Variants in ZNF804B observed in about 807,000 individuals in gnomAD.
ZNF804B encodes zinc finger 804B.
In ZNF804B, 80 loss-of-function variants were observed where a neutral mutation model predicts 101.4. The observed-to-expected ratio is 0.79, with a 90% CI of 0.66 to 0.95. The LOEUF (loss-of-function observed/expected upper bound fraction) is 0.95. Among genes scored for constraint, ZNF804B ranks in the 40% least tolerant of loss-of-function variants. ZNF804B has a pLI of 0.00. For synonymous variants in ZNF804B, 622 were observed against 558.8 expected, an observed-to-expected ratio of 1.11 and a Z score of -1.59; for missense variants, 1,673 against 1,561.9, an observed-to-expected ratio of 1.07 and a Z score of -1.20.
At chr7:88,888,361 C>T (rs1792164904) in intron 1 of ZNF804B, among the ~76,000 whole-genome samples, 1 of 152,100 alleles carries the variant, frequency 6.6e-6, no homozygotes, top group Non-Finnish European at 1.5e-5. Flanking sequence ...CACCGCACTC[C>T]AGCCTGGGCG....
chr7:89,145,798 C>T (rs1378867216), intron 1 of ZNF804B, among the ~76,000 whole-genome samples: 3 of 151,848 alleles, frequency 2.0e-5, no homozygotes, highest in African/African-American at 4.8e-5. Flanking sequence ...TGGATCAGTG[C>T]ACTAATCCAG....
intron 1 of ZNF804B, among the ~76,000 whole-genome samples, chr7:88,807,253 A>C (rs1283169755): frequency 6.6e-6 from 1 of 152,210 alleles, no homozygotes; most frequent in Non-Finnish European, 1.5e-5. Context: ...TTTAATTGGC[A>C]TAATTTTACT....
At chr7:89,259,972 G>A (rs992790184) in intron 2 of ZNF804B, among the ~76,000 whole-genome samples, 13 of 151,234 alleles carry the variant, frequency 8.6e-5, no homozygotes, top group East Asian at 3.9e-4. Context: ...GCGACAAAGC[G>A]AAACTCCGTC....
chr7:88,889,978 C>T (rs572276030), intron 1 of ZNF804B, among the ~76,000 whole-genome samples: 1 of 152,110 alleles, frequency 6.6e-6, no homozygotes, highest in Non-Finnish European at 1.5e-5. Flanking sequence ...GGTCTAGTTT[C>T]ATTCTTCTAC....
rs868507272 is a variant in ZNF804B at position 89,336,613 on chromosome 7, C to T, written c.3631C>T (p.His1211Tyr). The change falls in exon 4 of 4, where the codon CAC becomes TAC. Residue 1211 changes from histidine to tyrosine, a missense_variant. His to Tyr is a moderately conservative substitution (Grantham distance 83, BLOSUM62 2). Coordinates refer to ENST00000333190, the MANE Select transcript of ZNF804B (RefSeq NM_181646.5). ...HQHTSITTIH[H>Y]TFLQHFAVSA... ...GCACACTTCTATCACCACCATCCAC[C>T]ACACGTTCCTGCAGCATTTTGCTGT... is the stretch of plus-strand genomic sequence containing the variant. 1 of 1,614,110 alleles carries T rather than the reference C, an allele frequency of 6.2e-7. No homozygotes were observed. Among genetic ancestry groups the T allele is most frequent in the Non-Finnish European group, 8.5e-7 (1 of 1,179,992 alleles).
intron 2 of ZNF804B, among the ~76,000 whole-genome samples, chr7:89,302,861 C>T (rs142142288): frequency 6.6e-6 from 1 of 152,034 alleles, no homozygotes; most frequent in East Asian, 1.9e-4. Flanking sequence ...GCAGCAGTAA[C>T]AACCTGATGG....
Position 88,828,292 on chromosome 7 carries a change from T to G in ZNF804B, c.108+68208T>G, listed in dbSNP as rs530301777. ...TTTATATATTTAGGGTATAGGACAT[T>G]TCTATCACACCAGAAATGTCCCTTG... On this transcript the variant is annotated intron_variant, in intron 1 of 3. Coordinates refer to ENST00000333190, the MANE Select transcript of ZNF804B (RefSeq NM_181646.5). 1.4e-4 allele frequency among the ~76,000 whole-genome samples: 22 copies of G among 152,282 alleles called. No homozygotes were observed. The South Asian group carries it at 3.9e-3, about 27-fold the overall frequency.
At chr7:88,933,904 A>G (rs28892338) in intron 1 of ZNF804B, among the ~76,000 whole-genome samples, 10,572 of 149,270 alleles carry the variant, frequency 0.071, 842 homozygotes, top group East Asian at 0.21. Flanking sequence ...CAGAACTGGA[A>G]AAACAATCGT....
chr7:88,915,452 A>C (rs1792617563), intron 1 of ZNF804B, among the ~76,000 whole-genome samples: 1 of 152,060 alleles, frequency 6.6e-6, no homozygotes, highest in Non-Finnish European at 1.5e-5. Context: ...AGTTCACATT[A>C]TGGACAAATT....
intron 1 of ZNF804B, among the ~76,000 whole-genome samples, chr7:88,785,694 T>C (rs1449424774): frequency 1.3e-5 from 2 of 152,150 alleles, no homozygotes; most frequent in African/African-American, 4.8e-5. Flanking sequence ...CTTGTAGAAA[T>C]TCTTTCAGTT....
chr7:88,929,167 C>G (rs1172371899), intron 1 of ZNF804B, among the ~76,000 whole-genome samples: 2 of 151,766 alleles, frequency 1.3e-5, no homozygotes, highest in Admixed American at 1.3e-4. Flanking sequence ...TGGAAGATCT[C>G]CTGTGGCCAT....
chr7:89,308,289 A>G (rs38933), intron 2 of ZNF804B, among the ~76,000 whole-genome samples: 13,437 of 152,192 alleles, frequency 0.088, 730 homozygotes, highest in Non-Finnish European at 0.12. Context: ...GCATGAAATA[A>G]GAGATGGTTC....
chr7:89,274,006 G>A lies in ZNF804B; in HGVS notation c.250-53338G>A, dbSNP rs183025591. Among the ~76,000 whole-genome samples the A allele has an allele frequency of 8.6e-5, 13 of 151,820 alleles. No individual in the cohort carries two copies. In the East Asian group the frequency reaches 2.5e-3, roughly 29 times the overall value. On this transcript the variant is annotated intron_variant, in intron 2 of 3. Coordinates refer to ENST00000333190, the MANE Select transcript of ZNF804B (RefSeq NM_181646.5). ...AACAGTCTTTCAAATTCGCGTCTTG[G>A]CCACAAAGAGTAGACATACTAAAAA... is the stretch of plus-strand genomic sequence containing the variant.
chr7:89,231,392 C>T (rs184470945), intron 2 of ZNF804B, among the ~76,000 whole-genome samples: 1 of 152,042 alleles, frequency 6.6e-6, no homozygotes, highest in Non-Finnish European at 1.5e-5. Context: ...ATGAGTTCTC[C>T]AAATTTGCTC....
intron 1 of ZNF804B, among the ~76,000 whole-genome samples, chr7:89,092,812 C>G (rs926275890): frequency 2.6e-5 from 4 of 152,110 alleles, no homozygotes; most frequent in African/African-American, 9.7e-5. Flanking sequence ...CTTGCTCACA[C>G]CAAAAGATGG....
At chr7:89,278,879 T>G (rs1329251050) in intron 2 of ZNF804B, among the ~76,000 whole-genome samples, 1 of 152,128 alleles carries the variant, frequency 6.6e-6, no homozygotes, top group African/African-American at 2.4e-5. Context: ...ATTTTCCAAT[T>G]CTGTGAAGAA....
chr7:89,235,920 A>T (rs1789272013), intron 2 of ZNF804B, among the ~76,000 whole-genome samples: 1 of 152,056 alleles, frequency 6.6e-6, no homozygotes, highest in Admixed American at 6.6e-5. Flanking sequence ...TTAAAATAAG[A>T]TAAAAAGAAA....
chr7:88,971,221 C>T (rs375955064), intron 1 of ZNF804B, among the ~76,000 whole-genome samples: 3 of 151,298 alleles, frequency 2.0e-5, no homozygotes, highest in Non-Finnish European at 3.0e-5. Flanking sequence ...ATATTTTGAC[C>T]GTTTGGTCAA....
At chr7:89,222,803 C>G (rs1052546389) in intron 2 of ZNF804B, among the ~76,000 whole-genome samples, 1 of 151,788 alleles carries the variant, frequency 6.6e-6, no homozygotes, top group South Asian at 2.1e-4. Flanking sequence ...TTTAAAAATA[C>G]CTTTTGCTTG....
Sources: allele counts gnomAD v4.1 joint callset (sites outside exome capture counted in the v4.1 genomes callset), GRCh38; gene constraint gnomAD v4.1.1; transcripts MANE v1.5; gene names NCBI Gene and HGNC (gene_info 2026-07-23, HGNC 2026-07-21).